Variants in ADGRE2 observed in about 807,000 individuals in gnomAD.
ADGRE2 encodes the protein adhesion G protein-coupled receptor E2, also known as CD97 antigen.
ADGRE2 carries 83 observed loss-of-function variants against 100.8 expected under a neutral mutation model. The ratio of observed to expected loss-of-function variants is 0.82; its 90% CI spans 0.69 to 0.99. The LOEUF is 0.99. ADGRE2 is among the 50% of genes least tolerant of loss of function. ADGRE2 has a pLI of 0.00. For synonymous variants in ADGRE2, 355 were observed against 413.0 expected, an observed-to-expected ratio of 0.86 and a Z score of 1.70; for missense variants, 814 against 1,035.7, an observed-to-expected ratio of 0.79 and a Z score of 2.94.
chr19:14,734,147 T>C lies in ADGRE2; in HGVS notation c.*2089A>G, dbSNP rs1257304589. ...GACCAGTTGGATGGGGTTTGAATCC[T>C]AACCCTGGCTCCTGTTAGTGGGATG... On this transcript the variant is annotated 3_prime_UTR_variant, in exon 21 of 21. Coordinates refer to ENST00000315576, the MANE Select transcript of ADGRE2 (RefSeq NM_013447.4). 6.6e-6 allele frequency: 1 copy of C among 152,202 alleles called. No homozygotes were observed. The allele number at this position is 152,202 out of a possible 1,614,324, so 9.4% of individuals were successfully genotyped here.
intron 1 of ADGRE2, among the ~76,000 whole-genome samples, chr19:14,777,569 T>G (rs1471531086): frequency 6.6e-6 from 1 of 152,126 alleles, no homozygotes; most frequent in African/African-American, 2.4e-5. Context: ...TAGGCATACA[T>G]GTGCCATGTT....
chr19:14,773,118 G>C (rs937605514), intron 4 of ADGRE2, among the ~76,000 whole-genome samples: 1 of 107,728 alleles, frequency 9.3e-6, no homozygotes. Context: ...AAAGAAAAAA[G>C]AAAAATAAGG....
At chr19:14,731,712 C>CT (rs1241151493), downstream of ADGRE2, 7 of 152,688 alleles carry the variant, frequency 4.6e-5, no homozygotes, top group African/African-American at 1.7e-4. Context: ...GGAAACTCTG[C>CT]TGCCTACTTG....
intron 18 of ADGRE2, among the ~76,000 whole-genome samples, chr19:14,744,112 G>A (rs546558434): frequency 6.6e-6 from 1 of 152,032 alleles, no homozygotes; most frequent in African/African-American, 2.4e-5. Flanking sequence ...TGTGGTCGGG[G>A]GGGCGCCTGT....
intron 11 of ADGRE2, among the ~76,000 whole-genome samples, chr19:14,759,815 ATTTTT>A (rs71333311): frequency 3.1e-5 from 3 of 95,534 alleles, no homozygotes; most frequent in Non-Finnish European, 5.9e-5. Flanking sequence ...TATTAAGCAG[ATTTTT>A]TTTTTTTTTT....
At position 14,734,127 on chromosome 19, in the gene ADGRE2, G is replaced by T. The variant is rs930200841; in HGVS notation, c.*2109C>A. 6.6e-4 allele frequency: 100 copies of T among 152,224 alleles called. No individual in the cohort carries two copies. The highest frequency in any genetic ancestry group is 2.3e-3 in the African/African-American group (97 of 41,450). 9.4% of individuals were successfully genotyped at this position (152,224 alleles called of 1,614,324 possible). ...GCAAGAAGCTCCAGCTCTGGGACCA[G>T]TTGGATGGGGTTTGAATCCTAACCC... On this transcript the variant is annotated 3_prime_UTR_variant, in exon 21 of 21. Transcript: ENST00000315576.
intron 11 of ADGRE2, among the ~76,000 whole-genome samples, chr19:14,760,799 T>C (rs1454840723): frequency 6.6e-6 from 1 of 152,092 alleles, no homozygotes; most frequent in Non-Finnish European, 1.5e-5. Flanking sequence ...CTGACCAGCA[T>C]TTAACATAAC....
rs1479003236 is a variant in ADGRE2 at position 14,732,705 on chromosome 19, C to T, written c.*3531G>A. 2.6e-5 allele frequency: 4 copies of T among 152,156 alleles called. No homozygotes were observed. In the East Asian group the frequency reaches 7.7e-4, roughly 29 times the overall value. 9.4% of individuals were successfully genotyped at this position (152,156 alleles called of 1,614,324 possible). A position where few individuals can be genotyped will look rare whatever the true frequency, so the allele number is the denominator to read the frequency against. ...ATGACTGATATATGAAGTTCAAGCT[C>T]AGTGTCCATAAAGTTTTATTAAAAC... On this transcript the variant is annotated 3_prime_UTR_variant, in exon 21 of 21. Transcript: ENST00000315576.
At chr19:14,751,894 C>T (rs1190959583) in intron 15 of ADGRE2, among the ~76,000 whole-genome samples, 1 of 73,700 alleles carries the variant, frequency 1.4e-5, no homozygotes, top group African/African-American at 5.3e-5. Flanking sequence ...TATACGTATA[C>T]ACACACACAC....
At chr19:14,760,645 C>A (rs1310105121) in intron 11 of ADGRE2, among the ~76,000 whole-genome samples, 1 of 152,170 alleles carries the variant, frequency 6.6e-6, no homozygotes, top group Admixed American at 6.5e-5. Flanking sequence ...AAGTCCTCTC[C>A]CGCCCCCCTC....
chr19:14,777,049 G>A (rs2044472543), intron 1 of ADGRE2, 122 bp from the exon 2 acceptor site: 2 of 1,251,664 alleles, frequency 1.6e-6, no homozygotes, highest in South Asian at 1.9e-5. Flanking sequence ...AGTGCAACCT[G>A]CTTTAAAAAT....
intron 17 of ADGRE2, 55 bp downstream of exon 17, chr19:14,746,841 G>T (rs1048310091): frequency 1.9e-6 from 3 of 1,541,168 alleles, no homozygotes; most frequent in Admixed American, 3.5e-5. Flanking sequence ...TTATTATCTT[G>T]TTTTTCTAAT....
Position 14,767,234 on chromosome 19 carries a change from C to CTTTTCT in ADGRE2, c.356-126_356-125insAGAAAA, listed in dbSNP as rs201877333. 6.8e-6 allele frequency: 10 copies of CTTTTCT among 1,464,774 alleles called. No individual in the cohort carries two copies. In the African/African-American group the frequency reaches 1.5e-4, roughly 22 times the overall value. The allele number at this position is 1,464,774 out of a possible 1,614,324, so 90.7% of individuals were successfully genotyped here. On this transcript the variant is annotated intron_variant, in intron 5 of 20. Transcript: ENST00000315576. ...ACCACTGTCTGCTCCCTTTTCTTTT[C>CTTTTCT]TTTCTTTCTTTTTTTTTTTTTTGAG...
intron 14 of ADGRE2, 31 bp downstream of exon 14, chr19:14,754,923 T>A (rs769717474): frequency 6.2e-7 from 1 of 1,602,892 alleles, no homozygotes; most frequent in Non-Finnish European, 8.5e-7. Flanking sequence ...CGGCAATAAA[T>A]GCAGAGTGCA....
At chr19:14,731,406 CG>C, downstream of ADGRE2, 1 of 574,420 alleles carries the variant, frequency 1.7e-6, no homozygotes, top group Non-Finnish European at 3.1e-6. Context: ...TTCTGGCTTC[CG>C]GATTGTAGGT....
intron 11 of ADGRE2, among the ~76,000 whole-genome samples, chr19:14,758,897 A>AAAAAAAAAG (rs2043598360): frequency 1.3e-5 from 2 of 149,106 alleles, no homozygotes; most frequent in African/African-American, 4.9e-5. Flanking sequence ...AAAAAAAAAA[A>AAAAAAAAAG]GGAAAAAGAG....
rs2043483639 is a variant in ADGRE2, at chr19:14,755,829, A to G, written c.1241T>C (p.Leu414Pro). 6.2e-7 allele frequency: 1 copy of G among 1,614,236 alleles called. No homozygotes were observed. The highest frequency in any genetic ancestry group is 2.2e-5 in the East Asian group (1 of 44,888). Reference sequence around the variant, plus strand: ...TTCCAGGACCAGAGGGGCCTCAGCCAGCAACTTGCCCATCCCTGGAATGGA... The same window carrying G: ...TTCCAGGACCAGAGGGGCCTCAGCCGGCAACTTGCCCATCCCTGGAATGGA... The part of the protein sequence containing the change: ...LVSIPGMGKL[L>P]AEAPLVLEPE... The change falls in exon 13 of 21, where the codon CTG (leucine) becomes CCG (proline). Residue 414 changes from leucine (L) to proline (P), a missense_variant. Leu to Pro is a moderately conservative substitution (Grantham distance 98). This residue lies in a region of ADGRE2 where 569 missense variants were observed against 692.7 expected (regional missense o/e 0.82). Transcript: ENST00000315576.
chr19:14,758,980 G>A (rs2043603755), intron 11 of ADGRE2, among the ~76,000 whole-genome samples: 1 of 151,954 alleles, frequency 6.6e-6, no homozygotes, highest in African/African-American at 2.4e-5. Context: ...AATGCACGAA[G>A]TTTTATAGAT....
chr19:14,769,755 G>A (rs2044127305), intron 5 of ADGRE2, among the ~76,000 whole-genome samples: 1 of 152,098 alleles, frequency 6.6e-6, no homozygotes, highest in African/African-American at 2.4e-5. Flanking sequence ...CTGGAGTGCA[G>A]TGGTGCCATC....
Sources: gnomAD v4.1 joint callset for allele counts (sites outside exome capture counted in the v4.1 genomes callset) on GRCh38, gnomAD v4.1.1 for gene constraint, gnomAD v4.1.1 regional missense constraint, MANE v1.5 for transcripts, NCBI Gene and HGNC (gene_info 2026-07-23, HGNC 2026-07-21) for gene names.